The following NALF1 variants were observed in gnomAD, a reference collection of about 807,000 sequenced individuals.
The protein encoded by NALF1 is NALCN channel auxiliary factor 1.
A neutral mutation model predicts 48.4 loss-of-function variants in NALF1; 3 were observed. The ratio of observed to expected loss-of-function variants is 0.06; its 90% CI spans 0.03 to 0.16. The LOEUF (loss-of-function observed/expected upper bound fraction) is 0.16, where lower values mean the gene tolerates loss of function less well. NALF1 is among the 10% of genes least tolerant of loss of function. NALF1 has a pLI of 1.00. For synonymous variants in NALF1, 262 were observed against 245.7 expected, an observed-to-expected ratio of 1.07 and a Z score of -0.62; for missense variants, 526 against 571.5, an observed-to-expected ratio of 0.92 and a Z score of 0.81.
At chr13:107,492,624 T>C (rs949324698) in intron 1 of NALF1, among the ~76,000 whole-genome samples, 2 of 152,188 alleles carry the variant, frequency 1.3e-5, no homozygotes, top group Non-Finnish European at 2.9e-5. Context: ...ATTTTTCTAA[T>C]TGGCTATTTA....
intron 1 of NALF1, among the ~76,000 whole-genome samples, chr13:107,422,625 C>T (rs1328909534): frequency 6.6e-6 from 1 of 152,094 alleles, no homozygotes; most frequent in East Asian, 1.9e-4. Flanking sequence ...GTAATGGCTC[C>T]CCGCAAAAGC....
intron 1 of NALF1, among the ~76,000 whole-genome samples, chr13:107,851,329 C>A (rs895765007): frequency 2.0e-5 from 3 of 150,974 alleles, no homozygotes; most frequent in Non-Finnish European, 2.9e-5. Flanking sequence ...TGGAAAAGTT[C>A]ACAGATGAAC....
chr13:107,731,877 T>A (rs1876319755), intron 1 of NALF1, among the ~76,000 whole-genome samples: 1 of 152,192 alleles, frequency 6.6e-6, no homozygotes, highest in African/African-American at 2.4e-5. Flanking sequence ...ACAGTAAATT[T>A]TAGAAATTCT....
chr13:107,567,351 T>C (rs1594133515), intron 1 of NALF1, among the ~76,000 whole-genome samples: 1 of 152,198 alleles, frequency 6.6e-6, no homozygotes, highest in East Asian at 1.9e-4. Context: ...TATTTAGCCT[T>C]TTTAAAAAAT....
chr13:107,483,949 A>G (rs1409895558), intron 1 of NALF1, among the ~76,000 whole-genome samples: 4 of 152,072 alleles, frequency 2.6e-5, no homozygotes, highest in African/African-American at 4.8e-5. Context: ...AAAAATTCTA[A>G]GGAATAGTTA....
At chr13:107,536,922 C>G (rs1233175240) in intron 1 of NALF1, among the ~76,000 whole-genome samples, 1 of 152,142 alleles carries the variant, frequency 6.6e-6, no homozygotes, top group Non-Finnish European at 1.5e-5. Flanking sequence ...GAGTTCATGT[C>G]CTTTGTAGGG....
chr13:107,321,513 A>G (rs1882254303), intron 1 of NALF1, among the ~76,000 whole-genome samples: 1 of 152,174 alleles, frequency 6.6e-6, no homozygotes, highest in Admixed American at 6.6e-5. Flanking sequence ...TTCAGGAATA[A>G]TTAGTGAGAT....
At chr13:107,502,547 C>T (rs905657352) in intron 1 of NALF1, among the ~76,000 whole-genome samples, 1 of 152,178 alleles carries the variant, frequency 6.6e-6, no homozygotes, top group African/African-American at 2.4e-5. Context: ...ACCATCACCA[C>T]AGGTTACCTT....
intron 1 of NALF1, among the ~76,000 whole-genome samples, chr13:107,606,749 T>C (rs538932826): frequency 2.0e-5 from 3 of 152,286 alleles, no homozygotes; most frequent in African/African-American, 7.2e-5. Context: ...TAATGCAAAA[T>C]TGGCTTTCAA....
At chr13:107,704,047 A>T (rs977293099) in intron 1 of NALF1, among the ~76,000 whole-genome samples, 1 of 152,014 alleles carries the variant, frequency 6.6e-6, no homozygotes, top group Non-Finnish European at 1.5e-5. Flanking sequence ...TTAAAAAGGC[A>T]CTCCTCTCTG....
rs1048352878 is a variant in NALF1 at position 107,384,712 on chromosome 13, C to T, written c.916-173957G>A. Among the ~76,000 whole-genome samples the T allele has an allele frequency of 1.1e-4, 16 of 152,124 alleles. No individual in the cohort carries two copies. In the East Asian group the frequency reaches 1.5e-3, roughly 15 times the overall value. On this transcript the variant is annotated intron_variant, in intron 1 of 2. Coordinates refer to ENST00000375915, the MANE Select transcript of NALF1 (RefSeq NM_001080396.3). ...TTAAATTAACTTTCCTCACTTTGAG[C>T]GTAAGTGTATTTGAAACAAAAGAAG... is the stretch of plus-strand genomic sequence containing the variant.
chr13:107,578,668 T>C (rs1878219549), intron 1 of NALF1, among the ~76,000 whole-genome samples: 1 of 152,204 alleles, frequency 6.6e-6, no homozygotes, highest in African/African-American at 2.4e-5. Flanking sequence ...ATGAATCTTA[T>C]TTATTTTTAC....
intron 1 of NALF1, among the ~76,000 whole-genome samples, chr13:107,386,075 T>C (rs955367761): frequency 6.6e-6 from 1 of 151,566 alleles, no homozygotes; most frequent in Non-Finnish European, 1.5e-5. Context: ...CTTCCACCTT[T>C]AAATGTCTTA....
intron 1 of NALF1, among the ~76,000 whole-genome samples, chr13:107,348,661 T>A (rs9559014): frequency 6.6e-6 from 1 of 151,950 alleles, no homozygotes; most frequent in Admixed American, 6.6e-5. Context: ...TTCTCATTGT[T>A]CAACTCCCAC....
rs74241544 is a variant in NALF1, at chr13:107,684,984, C to T, written c.915+180698G>A. On this transcript the variant is annotated intron_variant, in intron 1 of 2. Transcript: ENST00000375915. ...TGAGTCTGGGGACCAGGTCATCTACCGTAGTTACTGGTGACCGTCTCATCT... is the reference window on the plus strand; with the variant it reads ...TGAGTCTGGGGACCAGGTCATCTACTGTAGTTACTGGTGACCGTCTCATCT... Among the ~76,000 whole-genome samples the T allele has an allele frequency of 0.029, 4,420 of 152,172 alleles. 342 individuals are homozygous for T. The East Asian group carries it at 0.29, about 10-fold the overall frequency.
At chr13:107,636,790 C>A (rs1566424767) in intron 1 of NALF1, among the ~76,000 whole-genome samples, 1 of 151,230 alleles carries the variant, frequency 6.6e-6, no homozygotes, top group Non-Finnish European at 1.5e-5. Context: ...TAAATTTCAC[C>A]TTTTCTCGCA....
intron 1 of NALF1, among the ~76,000 whole-genome samples, chr13:107,296,035 C>T (rs1594108707): frequency 1.3e-5 from 2 of 152,274 alleles, no homozygotes; most frequent in Admixed American, 1.3e-4. Context: ...ATGTGGGCAA[C>T]ATTGAAAACA....
At chr13:107,752,583 T>C (rs937485599) in intron 1 of NALF1, among the ~76,000 whole-genome samples, 1 of 152,124 alleles carries the variant, frequency 6.6e-6, no homozygotes, top group African/African-American at 2.4e-5. Flanking sequence ...CTGCAGGGTA[T>C]TATAAGTGAA....
chr13:107,412,503 G>C (rs1326529583), intron 1 of NALF1, among the ~76,000 whole-genome samples: 3 of 147,984 alleles, frequency 2.0e-5, no homozygotes, highest in Admixed American at 6.8e-5. Flanking sequence ...TGAACTCATA[G>C]ATTGCTGGAT....
Sources: gnomAD v4.1 joint callset for allele counts (sites outside exome capture counted in the v4.1 genomes callset) on GRCh38, gnomAD v4.1.1 for gene constraint, MANE v1.5 for transcripts, NCBI Gene and HGNC (gene_info 2026-07-23, HGNC 2026-07-21) for gene names.